Variants in CLYBL observed in about 807,000 individuals in gnomAD.
CLYBL encodes citramalyl-CoA lyase.
Under a neutral mutation model 38.9 loss-of-function variants are expected in CLYBL, and 31 were observed. That is an observed-to-expected ratio of 0.80 (90% CI 0.60 to 1.08). The LOEUF (loss-of-function observed/expected upper bound fraction) is 1.08, where lower values mean the gene tolerates loss of function less well. Ranked by LOEUF, CLYBL falls within the 50% of genes least tolerant of loss-of-function variation. The pLI, the probability that CLYBL is intolerant of heterozygous loss-of-function variation, is 0.00. For missense variants in CLYBL, 434 were observed against 411.6 expected, an observed-to-expected ratio of 1.05 and a Z score of -0.47; for synonymous variants, 171 against 158.6, an observed-to-expected ratio of 1.08 and a Z score of -0.59.
At chr13:99,688,636 TTAAGAA>T (rs992324737) in intron 1 of CLYBL, among the ~76,000 whole-genome samples, 32 of 152,148 alleles carry the variant, frequency 2.1e-4, no homozygotes, top group African/African-American at 6.0e-4. Context: ...GCATTACTCT[TTAAGAA>T]TAACAAGTGA....
In CLYBL at chr13:99,647,482, C is replaced by T. The variant is rs193016866; in HGVS notation, c.62+40725C>T. On this transcript the variant is annotated intron_variant, in intron 1 of 8. Coordinates refer to ENST00000339105, the MANE Select transcript of CLYBL (RefSeq NM_206808.5). The stretch of plus-strand genomic sequence containing the variant: ...TAGTGGGAAGAACTTATTTCAGTGC[C>T]TATTTTTCTTGAGGTTTATAAAAAC... 5.7e-4 allele frequency among the ~76,000 whole-genome samples: 87 copies of T among 151,896 alleles called. 1 individual carries two copies. The highest frequency in any genetic ancestry group is 4.7e-3 in the Admixed American group (72 of 15,266).
At chr13:99,680,705 A>G (rs1013969234) in intron 1 of CLYBL, among the ~76,000 whole-genome samples, 2 of 152,220 alleles carry the variant, frequency 1.3e-5, no homozygotes, top group African/African-American at 2.4e-5. Flanking sequence ...TGCTGTTGCC[A>G]TGTGCCTATG....
intron 1 of CLYBL, among the ~76,000 whole-genome samples, chr13:99,651,681 C>T (rs1029806500): frequency 3.1e-4 from 47 of 152,286 alleles, no homozygotes; most frequent in African/African-American, 9.9e-4. Flanking sequence ...CCTGTAATCC[C>T]AACACTTTGG....
At chr13:99,711,891 A>G (rs1455869762) in intron 1 of CLYBL, among the ~76,000 whole-genome samples, 1 of 150,432 alleles carries the variant, frequency 6.6e-6, no homozygotes, top group African/African-American at 2.4e-5. Context: ...AATTTTTTGT[A>G]TTTTTAGTAG....
At chr13:99,760,970 T>C (rs1040275648) in intron 1 of CLYBL, among the ~76,000 whole-genome samples, 1 of 152,202 alleles carries the variant, frequency 6.6e-6, no homozygotes, top group Non-Finnish European at 1.5e-5. Flanking sequence ...CTTACTTCTT[T>C]ATCAAACCAT....
chr13:99,705,408 C>T (rs190954585), intron 1 of CLYBL, among the ~76,000 whole-genome samples: 211 of 152,220 alleles, frequency 1.4e-3, no homozygotes, highest in South Asian at 3.3e-3. Flanking sequence ...TGGTGAAACC[C>T]TGTCTCTACT....
intron 2 of CLYBL, among the ~76,000 whole-genome samples, chr13:99,781,231 T>C (rs1353060648): frequency 1.3e-5 from 2 of 151,110 alleles, no homozygotes; most frequent in East Asian, 2.0e-4. Flanking sequence ...AGTGCAGTGG[T>C]GCGATCTTGG....
chr13:99,727,625 G>C (rs916202489), intron 1 of CLYBL: 2 of 151,722 alleles, frequency 1.3e-5, no homozygotes, highest in Non-Finnish European at 2.9e-5. Context: ...CATTTTCTTT[G>C]AGAGACAGGC....
At chr13:99,901,007 C>G (rs924307599), downstream of CLYBL, among the ~76,000 whole-genome samples, 1 of 152,236 alleles carries the variant, frequency 6.6e-6, no homozygotes, top group Non-Finnish European at 1.5e-5. Context: ...CAACATGCCC[C>G]TGCACATTTT....
At chr13:99,729,881 G>C (rs1040740378) in intron 1 of CLYBL, among the ~76,000 whole-genome samples, 23 of 152,160 alleles carry the variant, frequency 1.5e-4, no homozygotes, top group African/African-American at 4.8e-4. Context: ...CACCGCTTCA[G>C]TGTGGCTGGT....
intron 1 of CLYBL, among the ~76,000 whole-genome samples, chr13:99,621,348 C>G (rs573698095): frequency 1.2e-4 from 18 of 152,274 alleles, no homozygotes; most frequent in Non-Finnish European, 2.1e-4. Flanking sequence ...CACCATGCCC[C>G]ACACTCTCGA....
At chr13:99,836,261 TAGA>T (rs1376346287) in intron 2 of CLYBL, among the ~76,000 whole-genome samples, 2 of 152,044 alleles carry the variant, frequency 1.3e-5, no homozygotes, top group African/African-American at 2.4e-5. Context: ...GACGCAGATC[TAGA>T]AGATGTCTCC....
At chr13:99,855,240 C>T (rs932059510) in intron 2 of CLYBL, among the ~76,000 whole-genome samples, 2 of 152,206 alleles carry the variant, frequency 1.3e-5, no homozygotes, top group Non-Finnish European at 2.9e-5. Flanking sequence ...AGAATGCAGT[C>T]CCTCTCAAAC....
chr13:99,810,547 G>C (rs191013777), intron 2 of CLYBL, among the ~76,000 whole-genome samples: 20 of 152,256 alleles, frequency 1.3e-4, no homozygotes, highest in African/African-American at 4.3e-4. Context: ...CAGAGCCCAG[G>C]GTCATGCAGG....
intron 7 of CLYBL, among the ~76,000 whole-genome samples, chr13:99,890,733 G>C (rs1784460339): frequency 6.6e-6 from 1 of 152,176 alleles, no homozygotes; most frequent in African/African-American, 2.4e-5. Context: ...CTCCCAAAGT[G>C]CTGGGATTAC....
intron 7 of CLYBL, among the ~76,000 whole-genome samples, chr13:99,872,959 A>G (rs1388666382): frequency 6.6e-6 from 1 of 150,876 alleles, no homozygotes; most frequent in Non-Finnish European, 1.5e-5. Context: ...TTTTTTTTAA[A>G]TAAGAAATGC....
intron 1 of CLYBL, among the ~76,000 whole-genome samples, chr13:99,716,124 A>G (rs1380379020): frequency 6.9e-6 from 1 of 144,828 alleles, no homozygotes; most frequent in Non-Finnish European, 1.5e-5. Flanking sequence ...GTGAACAATA[A>G]TAAAGTGTTT....
At chr13:99,684,381 A>T (rs1346291894) in intron 1 of CLYBL, among the ~76,000 whole-genome samples, 2 of 152,040 alleles carry the variant, frequency 1.3e-5, no homozygotes, top group South Asian at 4.2e-4. Context: ...CCGGCCCAGT[A>T]TAATCTTATG....
rs1555309611 is a variant in CLYBL at position 99,803,566 on chromosome 13, T to TGACTTTCCTAATATTA, written c.249+30559_249+30560insTTTCCTAATATTAGAC. On this transcript the variant is annotated intron_variant, in intron 2 of 8. Transcript: ENST00000339105. ...TTTGATTCTTCTTAGCAGTGTGAAC[T>TGACTTTCCTAATATTA]GACCTGACTTTCCTAATATGTGTAA... Among the ~76,000 whole-genome samples the TGACTTTCCTAATATTA allele has an allele frequency of 1.6e-4, 24 of 152,390 alleles. No individual in the cohort carries two copies. The East Asian group carries it at 4.2e-3, about 27-fold the overall frequency.
Sources: allele counts gnomAD v4.1 joint callset (sites outside exome capture counted in the v4.1 genomes callset), GRCh38; gene constraint gnomAD v4.1.1; transcripts MANE v1.5; gene names NCBI Gene and HGNC (gene_info 2026-07-23, HGNC 2026-07-21).